Variants in PAFAH1B2 observed in about 807,000 individuals in gnomAD.
PAFAH1B2 encodes platelet-activating factor acetylhydrolase IB subunit alpha2.
PAFAH1B2 carries 8 observed loss-of-function variants against 28.0 expected under a neutral mutation model. The observed-to-expected ratio is 0.29, with a 90% CI of 0.17 to 0.52. The LOEUF is 0.52. Among genes scored for constraint, PAFAH1B2 ranks in the 20% least tolerant of loss-of-function variants. The pLI is 0.97. For synonymous variants in PAFAH1B2, 104 were observed against 103.2 expected (o/e 1.01, Z -0.05); for missense variants, 190 against 282.6 (o/e 0.67, Z 2.35).
At position 117,170,890 on chromosome 11, in the gene PAFAH1B2, A is replaced by G. The variant is rs907844538; in HGVS notation, c.*3191A>G. The G allele has an allele frequency of 3.9e-5, 41 of 1,060,066 alleles. No individual in the cohort carries two copies. Among genetic ancestry groups the G allele is most frequent in the Non-Finnish European group, 4.5e-5 (39 of 876,034 alleles). 65.7% of individuals were successfully genotyped at this position (1,060,066 alleles called of 1,614,324 possible). ...GAGGCTTTTTGGAGAGGGGTCCCCC[A>G]GGTTTCTTGGTGTTCCTGCTTGGGG... On this transcript the variant is annotated 3_prime_UTR_variant, in exon 6 of 6. Transcript: ENST00000527958.
At chr11:117,172,010 C>T (rs1956660580), downstream of PAFAH1B2, among the ~76,000 whole-genome samples, 1 of 152,010 alleles carries the variant, frequency 6.6e-6, no homozygotes, top group Admixed American at 6.6e-5. Flanking sequence ...CACACAGCAG[C>T]AGTGAAAGCA....
intron 1 of PAFAH1B2, among the ~76,000 whole-genome samples, chr11:117,150,614 A>G (rs1326078368): frequency 1.3e-5 from 2 of 152,154 alleles, no homozygotes; most frequent in Non-Finnish European, 2.9e-5. Context: ...TGGTGATTCT[A>G]AAAAACTACT....
chr11:117,158,989 T>A (rs1022889059), intron 2 of PAFAH1B2, among the ~76,000 whole-genome samples: 2 of 152,140 alleles, frequency 1.3e-5, no homozygotes, highest in Non-Finnish European at 2.9e-5. Flanking sequence ...GCTTGCTGAT[T>A]AGGGTGAAGA....
At chr11:117,164,013 T>C (rs10790175) in intron 5 of PAFAH1B2, 121 bp downstream of exon 5, 659,769 of 964,624 alleles carry the variant, frequency 0.68, 234,312 homozygotes, top group Non-Finnish European at 0.76. Context: ...TATCATACTT[T>C]CGTTGACCTC....
chr11:117,144,746 C>CTG (rs762272076), intron 1 of PAFAH1B2, among the ~76,000 whole-genome samples: 7 of 152,146 alleles, frequency 4.6e-5, no homozygotes, highest in African/African-American at 1.2e-4. Flanking sequence ...GCGCCCCGCC[C>CTG]CGCCCTGCCC....
chr11:117,168,448 T>TTGTTTTTTTTTTTTG lies in PAFAH1B2; in HGVS notation c.*750_*751insGTTTTTTTTTTTTGT. Reference sequence around the variant, plus strand: ...CCCTTCATTCCCCCCGCCACCCCGTTTTTTTTTTTTTTTTTTTTTTTTTGG... The same window carrying TTGTTTTTTTTTTTTG: ...CCCTTCATTCCCCCCGCCACCCCGTTTGTTTTTTTTTTTTGTTTTTTTTTTTTTTTTTTTTTTTGG... On this transcript the variant is annotated 3_prime_UTR_variant, in exon 6 of 6. Transcript: ENST00000527958. The TTGTTTTTTTTTTTTG allele has an allele frequency of 1.7e-6, 1 of 581,206 alleles. No homozygotes were observed. Among genetic ancestry groups the TTGTTTTTTTTTTTTG allele is most frequent in the African/African-American group, 2.9e-5 (1 of 34,064 alleles). 36.0% of individuals were successfully genotyped at this position (581,206 alleles called of 1,614,324 possible). A position where few individuals can be genotyped will look rare whatever the true frequency, so the allele number is the denominator to read the frequency against.
intron 1 of PAFAH1B2, among the ~76,000 whole-genome samples, chr11:117,149,429 C>CTTTTTTTTTTTTTTTTTTT (rs1565260556): frequency 2.1e-4 from 7 of 33,514 alleles, no homozygotes; most frequent in African/African-American, 7.4e-4. Flanking sequence ...GTTTTCTAAT[C>CTTTTTTTTTTTTTTTTTTT]GTTTTTTTTT....
At chr11:117,146,641 CTG>C (rs1384584592) in intron 1 of PAFAH1B2, among the ~76,000 whole-genome samples, 1 of 152,094 alleles carries the variant, frequency 6.6e-6, no homozygotes, top group Non-Finnish European at 1.5e-5. Context: ...CTGCAGTGAG[CTG>C]TGTTACGCCA....
At chr11:117,148,385 A>G (rs373641632) in intron 1 of PAFAH1B2, among the ~76,000 whole-genome samples, 2 of 152,186 alleles carry the variant, frequency 1.3e-5, no homozygotes, top group South Asian at 4.1e-4. Flanking sequence ...AGAACATAAT[A>G]TCATTTGCTC....
At chr11:117,147,987 G>T (rs1956053083) in intron 1 of PAFAH1B2, among the ~76,000 whole-genome samples, 1 of 151,870 alleles carries the variant, frequency 6.6e-6, no homozygotes, top group Non-Finnish European at 1.5e-5. Flanking sequence ...TTAAATTTGG[G>T]TAGTAGAAAG....
intron 2 of PAFAH1B2, among the ~76,000 whole-genome samples, chr11:117,158,240 T>C (rs1197768703): frequency 6.6e-6 from 1 of 152,110 alleles, no homozygotes; most frequent in Non-Finnish European, 1.5e-5. Flanking sequence ...AGGGGTCTCA[T>C]GATGTTGCCC....
intron 3 of PAFAH1B2, 42 bp downstream of exon 3, chr11:117,160,065 T>A: frequency 7.6e-7 from 1 of 1,309,540 alleles, no homozygotes; most frequent in Non-Finnish European, 1.1e-6. Flanking sequence ...GCTACTCATG[T>A]ATATCCATTC....
At chr11:117,152,678 A>G (rs1236376479) in intron 2 of PAFAH1B2, 150 bp downstream of exon 2, 2 of 636,244 alleles carry the variant, frequency 3.1e-6, no homozygotes, top group African/African-American at 1.8e-5. Flanking sequence ...TCAGCCTCCC[A>G]TATAGCTGGG....
rs1426511213 is a variant in PAFAH1B2 at position 117,144,323 on chromosome 11, A to G, written c.-103A>G. On this transcript the variant is annotated 5_prime_UTR_variant, in exon 1 of 6. Transcript: ENST00000527958. ...TGCTGGTGCTGGGGCCGGAGGAGGGACGCGCCGGAGCGGGACCGACGGGAC... is the reference window on the plus strand; with the variant it reads ...TGCTGGTGCTGGGGCCGGAGGAGGGGCGCGCCGGAGCGGGACCGACGGGAC... 1.5e-5 allele frequency: 6 copies of G among 402,794 alleles called. No individual in the cohort carries two copies. Among genetic ancestry groups the G allele is most frequent in the Non-Finnish European group, 3.1e-5 (6 of 196,668 alleles). 25.0% of individuals were successfully genotyped at this position (402,794 alleles called of 1,614,324 possible).
chr11:117,159,750 A>AC, intron 2 of PAFAH1B2, 184 bp from the exon 3 acceptor site: 1 of 523,984 alleles, frequency 1.9e-6, no homozygotes, highest in Non-Finnish European at 3.4e-6. Context: ...AAAAAAAAAA[A>AC]AGAAAGAAAA....
intron 2 of PAFAH1B2, among the ~76,000 whole-genome samples, chr11:117,156,627 T>G (rs1956260932): frequency 6.6e-6 from 1 of 152,168 alleles, no homozygotes; most frequent in African/African-American, 2.4e-5. Flanking sequence ...TTTCCAAATT[T>G]ATTACAACTA....
At chr11:117,162,426 G>C (rs1350305142) in intron 4 of PAFAH1B2, among the ~76,000 whole-genome samples, 3 of 149,656 alleles carry the variant, frequency 2.0e-5, no homozygotes, top group African/African-American at 7.4e-5. Context: ...TTATAGGCTT[G>C]AGCTACCATG....
rs1565275951 is a variant in PAFAH1B2 at position 117,169,307 on chromosome 11, T to A, written c.*1608T>A. On this transcript the variant is annotated 3_prime_UTR_variant, in exon 6 of 6. Transcript: ENST00000527958. ...ATATAAGAACTGCCATTAAAAAAAA[T>A]GGGATAATAGATGATTTTATCAGTA... is the stretch of plus-strand genomic sequence containing the variant. 3 of 1,043,492 alleles carry A rather than the reference T, an allele frequency of 2.9e-6. No homozygotes were observed. The highest frequency in any genetic ancestry group is 9.2e-5 in the South Asian group (2 of 21,770). 64.6% of individuals were successfully genotyped at this position (1,043,492 alleles called of 1,614,324 possible).
chr11:117,168,275 C>A lies in PAFAH1B2; in HGVS notation c.*576C>A. ...AGTGAATTTGTTCTGCTTTCTTAAT[C>A]TTTTCCATGCTTAGCAGTGAAAAAC... On this transcript the variant is annotated 3_prime_UTR_variant, in exon 6 of 6. Coordinates refer to ENST00000527958, the MANE Select transcript of PAFAH1B2 (RefSeq NM_002572.4). 9.4e-7 allele frequency: 1 copy of A among 1,063,052 alleles called. No homozygotes were observed. The highest frequency in any genetic ancestry group is 1.1e-6 in the Non-Finnish European group (1 of 877,924). 65.9% of individuals were successfully genotyped at this position (1,063,052 alleles called of 1,614,324 possible). A position where few individuals can be genotyped will look rare whatever the true frequency, so the allele number is the denominator to read the frequency against.
Sources: gnomAD v4.1 joint callset for allele counts (sites outside exome capture counted in the v4.1 genomes callset) on GRCh38, gnomAD v4.1.1 for gene constraint, MANE v1.5 for transcripts, NCBI Gene and HGNC (gene_info 2026-07-23, HGNC 2026-07-21) for gene names.